Variants in KIF2C observed in about 807,000 individuals in gnomAD.
KIF2C encodes the protein kinesin family member 2C, also known as kinesin-like protein KIF2C.
In KIF2C, 34 loss-of-function variants were observed where a neutral mutation model predicts 97.4. That is an observed-to-expected ratio of 0.35 (90% confidence interval 0.27 to 0.46). The LOEUF (loss-of-function observed/expected upper bound fraction) is 0.46. Among genes scored for constraint, KIF2C ranks in the 20% least tolerant of loss-of-function variants. The pLI is 1.00. For missense variants in KIF2C, 750 were observed against 907.6 expected, an observed-to-expected ratio of 0.83 and a Z score of 2.23; for synonymous variants, 313 against 318.2, an observed-to-expected ratio of 0.98 and a Z score of 0.17.
chr1:44,752,589 C>A (rs147992523), intron 5 of KIF2C, among the ~76,000 whole-genome samples: 1 of 152,168 alleles, frequency 6.6e-6, no homozygotes, highest in Non-Finnish European at 1.5e-5. Context: ...TTATACTTTA[C>A]ATATATCAAA....
intron 19 of KIF2C, among the ~76,000 whole-genome samples, chr1:44,765,637 A>G (rs1314233655): frequency 2.0e-5 from 3 of 152,190 alleles, no homozygotes; most frequent in Non-Finnish European, 4.4e-5. Context: ...GATCAAGACC[A>G]TCCTGGCCAA....
Position 44,765,672 on chromosome 1 carries a change from A to C in KIF2C, c.1972-1154A>C, listed in dbSNP as rs144696128. Among the ~76,000 whole-genome samples, 746 of 152,234 alleles carry C rather than the reference A, an allele frequency of 4.9e-3. 5 individuals carry two copies. The highest frequency in any genetic ancestry group is 0.017 in the African/African-American group (709 of 41,540). Reference sequence around the variant, plus strand: ...ACATAGTGAAACCCTGTCTCTACTAAAAAATAAAAAAAAATAGCCTGGTGT... The same window carrying C: ...ACATAGTGAAACCCTGTCTCTACTACAAAATAAAAAAAAATAGCCTGGTGT... On this transcript the variant is annotated intron_variant, in intron 19 of 20. Coordinates refer to ENST00000372224, the MANE Select transcript of KIF2C (RefSeq NM_006845.4).
intron 17 of KIF2C, 149 bp downstream of exon 17, chr1:44,762,132 C>G: frequency 1.2e-6 from 1 of 862,238 alleles, no homozygotes; most frequent in East Asian, 2.5e-5. Context: ...CGCCGTGATG[C>G]TAGGTCTGTC....
chr1:44,743,786 CAAAT>C (rs1275181412), intron 2 of KIF2C, among the ~76,000 whole-genome samples: 2 of 151,984 alleles, frequency 1.3e-5, no homozygotes. Context: ...GTCTCAAAAA[CAAAT>C]AAATAAAAAA....
intron 4 of KIF2C, among the ~76,000 whole-genome samples, chr1:44,749,446 GA>G (rs973904475): frequency 2.0e-5 from 3 of 150,680 alleles, no homozygotes; most frequent in South Asian, 4.2e-4. Flanking sequence ...AAAAAACAAA[GA>G]AAAAAAATTA....
chr1:44,750,617 G>A, intron 5 of KIF2C, 53 bp downstream of exon 5: 1 of 1,411,872 alleles, frequency 7.1e-7, no homozygotes, highest in Non-Finnish European at 9.4e-7. Context: ...GGAGCACATT[G>A]CTTGGTCCCT....
At position 44,747,378 on chromosome 1, in the gene KIF2C, T is replaced by C. The variant is rs779577031; in HGVS notation, c.166-6T>C. 1.2e-6 allele frequency: 2 copies of C among 1,604,064 alleles called. No individual in the cohort carries two copies. The highest frequency in any genetic ancestry group is 2.2e-5 in the South Asian group (2 of 89,390). ...TTTCATTGAAACTTTTACTTGCTCC[T>C]TGCAGATTGATTTTGATGATGTGGC... On this transcript the variant is annotated splice_region_variant and splice_polypyrimidine_tract_variant and intron_variant, in intron 2 of 20. Transcript: ENST00000372224.
At position 44,759,326 on chromosome 1, in the gene KIF2C, A is replaced by C. The variant is rs4342887; in HGVS notation, c.1345A>C (p.Ile449Leu). ...CTCTGCTGATGATGTCATCAAGATG[A>C]TCGACATGGGCAGCGCCTGCAGGTG... ...VNSADDVIKM[I>L]DMGSACRTSG... The change falls in exon 14 of 21, where the codon ATC (isoleucine) becomes CTC (leucine). Residue 449 changes from isoleucine (I) to leucine (L), a missense_variant. Physicochemically the swap from Ile to Leu is conservative, Grantham distance 5. Coordinates refer to ENST00000372224, the MANE Select transcript of KIF2C (RefSeq NM_006845.4). 294,437 of 1,613,886 alleles carry C rather than the reference A, an allele frequency of 0.18. 27,281 individuals are homozygous for C. The highest frequency in any genetic ancestry group is 0.25 in the East Asian group (11,424 of 44,866).
At chr1:44,742,839 C>T (rs1053953604) in intron 2 of KIF2C, among the ~76,000 whole-genome samples, 11 of 151,956 alleles carry the variant, frequency 7.2e-5, no homozygotes, top group Admixed American at 6.6e-4. Flanking sequence ...AAATCAATAA[C>T]CTGGTTGAGG....
chr1:44,740,943 T>A lies in KIF2C; in HGVS notation c.101T>A (p.Val34Glu). ...ATTCACAGTGCCAATGTAAGGACTG[T>A]GAACTTGGAGAAATCCTGTGTTTCA... The part of the protein sequence containing the change: ...GLIHSANVRT[V>E]NLEKSCVSVE... Residue 34 changes from valine to glutamate, a missense_variant, in exon 2 of 21, where the codon GTG (valine) becomes GAG (glutamate). Coordinates refer to ENST00000372224, the MANE Select transcript of KIF2C (RefSeq NM_006845.4). 6.2e-7 allele frequency: 1 copy of A among 1,613,892 alleles called. No individual in the cohort carries two copies. Among genetic ancestry groups the A allele is most frequent in the Non-Finnish European group, 8.5e-7 (1 of 1,179,808 alleles).
chr1:44,748,514 G>A (rs1415840402), intron 4 of KIF2C, among the ~76,000 whole-genome samples: 1 of 152,126 alleles, frequency 6.6e-6, no homozygotes, highest in African/African-American at 2.4e-5. Context: ...CCGTGTTCAT[G>A]TCCTCAAAGG....
At chr1:44,758,745 G>A (rs991120749) in intron 13 of KIF2C, among the ~76,000 whole-genome samples, 2 of 151,956 alleles carry the variant, frequency 1.3e-5, no homozygotes, top group African/African-American at 4.8e-5. Context: ...GCATGGTTAG[G>A]GGCACCTGTA....
At chr1:44,755,132 A>G (rs1466017815) in intron 8 of KIF2C, among the ~76,000 whole-genome samples, 1 of 151,790 alleles carries the variant, frequency 6.6e-6, no homozygotes, top group African/African-American at 2.4e-5. Flanking sequence ...GATTTTTTGT[A>G]TTTTTGGTAG....
At chr1:44,754,649 A>AT in intron 7 of KIF2C, 101 bp from the exon 8 acceptor site, 2 of 789,886 alleles carry the variant, frequency 2.5e-6, no homozygotes, top group Non-Finnish European at 2.3e-6. Context: ...TTTGACAACT[A>AT]TGAAGGGTGG....
intron 4 of KIF2C, among the ~76,000 whole-genome samples, chr1:44,748,099 G>A (rs904593345): frequency 7.2e-5 from 11 of 152,160 alleles, no homozygotes; most frequent in Non-Finnish European, 1.2e-4. Context: ...AGTTGGTGGC[G>A]CTATAGAGAG....
At chr1:44,761,317 G>A (rs190276004) in intron 16 of KIF2C, among the ~76,000 whole-genome samples, 1 of 152,274 alleles carries the variant, frequency 6.6e-6, no homozygotes, top group African/African-American at 2.4e-5. Context: ...TTTAAGATAG[G>A]ACCTTGGGCT....
intron 19 of KIF2C, 64 bp from the exon 20 acceptor site, chr1:44,766,762 G>A (rs1650491085): frequency 6.3e-7 from 1 of 1,580,138 alleles, no homozygotes. Flanking sequence ...ATTGCAGTTG[G>A]TAGGACCCCA....
At chr1:44,741,029 C>T (rs149444880) in intron 2 of KIF2C, 22 bp downstream of exon 2, 1 of 1,551,380 alleles carries the variant, frequency 6.4e-7, no homozygotes, top group Non-Finnish European at 8.9e-7. Flanking sequence ...GAGAATTCCT[C>T]TACCACATTT....
intron 5 of KIF2C, among the ~76,000 whole-genome samples, chr1:44,750,870 C>T (rs1485149544): frequency 6.6e-6 from 1 of 152,170 alleles, no homozygotes; most frequent in Non-Finnish European, 1.5e-5. Context: ...CTTCAAATCG[C>T]CTGAGTTCAA....
Sources: allele counts gnomAD v4.1 joint callset (sites outside exome capture counted in the v4.1 genomes callset), GRCh38; gene constraint gnomAD v4.1.1; transcripts MANE v1.5; gene names NCBI Gene and HGNC (gene_info 2026-07-23, HGNC 2026-07-21).